PTPRD: variants seen among roughly 807,000 people sequenced by gnomAD.
The protein encoded by PTPRD is receptor-type tyrosine-protein phosphatase delta.
Under a neutral mutation model 214.5 loss-of-function variants are expected in PTPRD, and 34 were observed. That is an observed-to-expected ratio of 0.16 (90% CI 0.12 to 0.21). The LOEUF (loss-of-function observed/expected upper bound fraction) is 0.21. Among genes scored for constraint, PTPRD ranks in the 10% least tolerant of loss-of-function variants. The pLI is 1.00. For synonymous variants in PTPRD, 1,128 were observed against 845.7 expected, an observed-to-expected ratio of 1.33 and a Z score of -5.79; for missense variants, 2,545 against 2,398.7, an observed-to-expected ratio of 1.06 and a Z score of -1.27.
intron 11 of PTPRD, among the ~76,000 whole-genome samples, chr9:8,782,740 G>A (rs2095780804): frequency 6.6e-6 from 1 of 151,880 alleles, no homozygotes; most frequent in African/African-American, 2.4e-5. Flanking sequence ...TGGGATTACA[G>A]GCGCACACCA....
At chr9:10,556,891 T>C (rs1406755405) in intron 2 of PTPRD, among the ~76,000 whole-genome samples, 1 of 152,106 alleles carries the variant, frequency 6.6e-6, no homozygotes, top group Non-Finnish European at 1.5e-5. Context: ...AAAAAAATGC[T>C]AACTTGGTTA....
At chr9:8,323,570 A>G (rs1830585390) in intron 44 of PTPRD, among the ~76,000 whole-genome samples, 1 of 151,996 alleles carries the variant, frequency 6.6e-6, no homozygotes, top group South Asian at 2.1e-4. Context: ...GAGGGGTTCA[A>G]GACTTCAGTA....
intron 3 of PTPRD, among the ~76,000 whole-genome samples, chr9:10,317,595 T>C (rs2096466025): frequency 6.6e-6 from 1 of 152,008 alleles, no homozygotes; most frequent in Non-Finnish European, 1.5e-5. Flanking sequence ...GTGGACCCCA[T>C]GTTGCTAAAT....
intron 12 of PTPRD, among the ~76,000 whole-genome samples, chr9:8,652,752 T>A (rs1052915362): frequency 6.6e-6 from 1 of 152,204 alleles, no homozygotes; most frequent in African/African-American, 2.4e-5. Context: ...GTTTTTTTAG[T>A]GTCCACAGAT....
chr9:8,998,005 G>A (rs1011179145), intron 11 of PTPRD, among the ~76,000 whole-genome samples: 1 of 152,148 alleles, frequency 6.6e-6, no homozygotes, highest in East Asian at 1.9e-4. Flanking sequence ...GGAAGCTGCA[G>A]AAGAAAAGTT....
At chr9:9,569,148 A>G (rs1311164972) in intron 8 of PTPRD, among the ~76,000 whole-genome samples, 1 of 151,748 alleles carries the variant, frequency 6.6e-6, no homozygotes, top group African/African-American at 2.4e-5. Context: ...GCGAGTAATA[A>G]TAGTAATAAT....
intron 9 of PTPRD, among the ~76,000 whole-genome samples, chr9:9,342,179 A>G (rs534467560): frequency 2.0e-4 from 31 of 152,320 alleles, no homozygotes; most frequent in Admixed American, 9.2e-4. Flanking sequence ...CTTCTTAATA[A>G]TGAAAAGATT....
intron 3 of PTPRD, among the ~76,000 whole-genome samples, chr9:10,095,474 A>C (rs956844855): frequency 6.6e-6 from 1 of 151,658 alleles, no homozygotes; most frequent in East Asian, 2.0e-4. Context: ...CCCTACTGAC[A>C]TGAATGCAGT....
intron 8 of PTPRD, among the ~76,000 whole-genome samples, chr9:9,408,176 CTTTGTT>C (rs2074188173): frequency 6.6e-6 from 1 of 151,740 alleles, no homozygotes; most frequent in African/African-American, 2.4e-5. Flanking sequence ...CTTCTCACAA[CTTTGTT>C]TTTGTTTTTC....
chr9:8,692,838 G>C (rs974498037), intron 12 of PTPRD, among the ~76,000 whole-genome samples: 2 of 152,156 alleles, frequency 1.3e-5, no homozygotes, highest in Admixed American at 1.3e-4. Flanking sequence ...CATGTGTCAA[G>C]AGTTACTGTC....
intron 4 of PTPRD, among the ~76,000 whole-genome samples, chr9:10,009,047 G>C (rs1486696155): frequency 6.6e-6 from 1 of 151,714 alleles, no homozygotes; most frequent in South Asian, 2.1e-4. Context: ...CATGGAAACA[G>C]GTTTTAAAGT....
intron 5 of PTPRD, among the ~76,000 whole-genome samples, chr9:9,770,935 G>A (rs1358244745): frequency 6.6e-6 from 1 of 152,060 alleles, no homozygotes; most frequent in African/African-American, 2.4e-5. Flanking sequence ...CTTGGAAATG[G>A]TCAAATATGC....
At chr9:8,355,530 G>A (rs1397047121) in intron 39 of PTPRD, among the ~76,000 whole-genome samples, 2 of 152,190 alleles carry the variant, frequency 1.3e-5, no homozygotes, top group Non-Finnish European at 2.9e-5. Flanking sequence ...AAGGATGACA[G>A]TAGAGAGGAC....
At chr9:8,561,613 G>C (rs1015791603) in intron 14 of PTPRD, among the ~76,000 whole-genome samples, 4 of 152,134 alleles carry the variant, frequency 2.6e-5, no homozygotes, top group Admixed American at 6.5e-5. Context: ...GGTGAGGGGG[G>C]GTGGAGAGTG....
At chr9:8,367,698 T>G (rs1372292864) in intron 39 of PTPRD, among the ~76,000 whole-genome samples, 2 of 152,224 alleles carry the variant, frequency 1.3e-5, no homozygotes, top group Non-Finnish European at 2.9e-5. Flanking sequence ...AACAATTACG[T>G]AGAACTCAAA....
intron 11 of PTPRD, among the ~76,000 whole-genome samples, chr9:8,771,445 G>T (rs1599282168): frequency 6.6e-6 from 1 of 152,058 alleles, no homozygotes; most frequent in East Asian, 1.9e-4. Flanking sequence ...GTGTGTCATG[G>T]TAAAACATGA....
In PTPRD at chr9:9,646,002, T is replaced by C. The variant is rs117510281; in HGVS notation, c.-286-71221A>G. ...TCTATACTGTTTCCTGCTCCATAAA[T>C]GAGACAGTGTTGTTGATGCTGTTTT... On this transcript the variant is annotated intron_variant, in intron 7 of 45. Transcript: ENST00000381196. 6.1e-3 allele frequency among the ~76,000 whole-genome samples: 924 copies of C among 152,306 alleles called. 5 individuals carry two copies. Among genetic ancestry groups the C allele is most frequent in the Non-Finnish European group, 9.6e-3 (650 of 68,004 alleles).
Position 9,661,437 on chromosome 9 carries a change from A to G in PTPRD, c.-287+73096T>C, listed in dbSNP as rs556272379. Reference sequence around the variant, plus strand: ...AATGTTTCAACCTAGAAGCATCTTCATGTTGCTGCCATTTAACATTATATT... The same window carrying G: ...AATGTTTCAACCTAGAAGCATCTTCGTGTTGCTGCCATTTAACATTATATT... On this transcript the variant is annotated intron_variant, in intron 7 of 45. Transcript: ENST00000381196. Among the ~76,000 whole-genome samples the G allele has an allele frequency of 2.5e-3, 385 of 151,970 alleles. 2 individuals carry two copies. Among genetic ancestry groups the G allele is most frequent in the African/African-American group, 8.7e-3 (361 of 41,544 alleles).
At chr9:9,580,178 C>T (rs1296329978) in intron 7 of PTPRD, among the ~76,000 whole-genome samples, 1 of 152,058 alleles carries the variant, frequency 6.6e-6, no homozygotes, top group African/African-American at 2.4e-5. Context: ...CATATGAGTA[C>T]AGGTATCTTT....
Sources: gnomAD v4.1 joint callset for allele counts (sites outside exome capture counted in the v4.1 genomes callset) on GRCh38, gnomAD v4.1.1 for gene constraint, MANE v1.5 for transcripts, NCBI Gene and HGNC (gene_info 2026-07-23, HGNC 2026-07-21) for gene names.